Variants in STAG1 observed in about 807,000 individuals in gnomAD.
The protein encoded by STAG1 is STAG1 cohesin complex component, also known as cohesin subunit SA-1.
In STAG1, 26 loss-of-function variants were observed where a neutral mutation model predicts 170.9. The observed-to-expected ratio is 0.15, with a 90% CI of 0.11 to 0.21. STAG1 has a LOEUF of 0.21. Ranked by LOEUF, STAG1 falls within the 10% of genes least tolerant of loss-of-function variation. The pLI is 1.00. For missense variants in STAG1, 964 were observed against 1,509.5 expected (o/e 0.64, Z 5.99); for synonymous variants, 514 against 497.7 (o/e 1.03, Z -0.44).
chr3:136,658,647 GTTTT>G (rs1941473061), intron 1 of STAG1, among the ~76,000 whole-genome samples: 1 of 152,104 alleles, frequency 6.6e-6, no homozygotes, highest in Non-Finnish European at 1.5e-5. Flanking sequence ...ACCAACTGAA[GTTTT>G]TACAAAGTGA....
At chr3:136,721,868 G>A (rs931331274) in intron 1 of STAG1, among the ~76,000 whole-genome samples, 1 of 151,076 alleles carries the variant, frequency 6.6e-6, no homozygotes, top group African/African-American at 2.4e-5. Context: ...AGCTTGCAGT[G>A]AGTGCCACTG....
chr3:136,591,612 A>G (rs1477742018), intron 4 of STAG1: 4 of 349,992 alleles, frequency 1.1e-5, no homozygotes, highest in South Asian at 2.2e-5. Context: ...TATTGGTGGT[A>G]TAACAGACAA....
chr3:136,357,231 A>G (rs1026823945), intron 28 of STAG1, among the ~76,000 whole-genome samples: 1 of 152,102 alleles, frequency 6.6e-6, no homozygotes, highest in Non-Finnish European at 1.5e-5. Flanking sequence ...TACAGGTGTG[A>G]GCCACCATGC....
chr3:136,649,422 TGAGTG>T (rs1288514199), intron 1 of STAG1, among the ~76,000 whole-genome samples: 2 of 144,998 alleles, frequency 1.4e-5, no homozygotes, highest in South Asian at 4.3e-4. Flanking sequence ...GAGGTTGCAG[TGAGTG>T]GAGATGGCGC....
intron 13 of STAG1, among the ~76,000 whole-genome samples, chr3:136,462,395 A>G (rs1401039864): frequency 3.9e-5 from 6 of 152,170 alleles, no homozygotes; most frequent in Admixed American, 2.0e-4. Flanking sequence ...AGTGACACAG[A>G]TGGAACTAGA....
chr3:136,386,562 G>A (rs1247421155), intron 22 of STAG1, among the ~76,000 whole-genome samples: 1 of 152,156 alleles, frequency 6.6e-6, no homozygotes, highest in Non-Finnish European at 1.5e-5. Context: ...ATTACAGTCA[G>A]TGAGGAAAGG....
rs369140347 is a variant in STAG1, at chr3:136,711,060, AATATAT to A, written c.-84+41129_-84+41134del. On this transcript the variant is annotated intron_variant, in intron 1 of 33. Transcript: ENST00000383202. ...CTGAAATCCCACTTACAAAAAGAAA[AATATAT>A]ATATATATATATACTTACTATGGCA... Among the ~76,000 whole-genome samples, 19 of 148,506 alleles carry A rather than the reference AATATAT, an allele frequency of 1.3e-4. No individual in the cohort carries two copies. The East Asian group carries it at 3.5e-3, about 28-fold the overall frequency.
At chr3:136,743,366 C>A (rs1934772943) in intron 1 of STAG1, among the ~76,000 whole-genome samples, 2 of 144,572 alleles carry the variant, frequency 1.4e-5, no homozygotes, top group Non-Finnish European at 1.5e-5. Context: ...GAAACTCCTT[C>A]TCAAAAAAAA....
intron 12 of STAG1, 100 bp downstream of exon 12, chr3:136,472,313 A>G: frequency 3.3e-6 from 2 of 613,016 alleles, no homozygotes; most frequent in South Asian, 8.5e-5. Flanking sequence ...TAAAATGATA[A>G]ACATATACAT....
chr3:136,565,721 T>C (rs1397767874), intron 5 of STAG1, among the ~76,000 whole-genome samples: 1 of 152,216 alleles, frequency 6.6e-6, no homozygotes, highest in Non-Finnish European at 1.5e-5. Context: ...AACAAGTATT[T>C]GTTCACGAAT....
intron 6 of STAG1, among the ~76,000 whole-genome samples, chr3:136,523,791 C>A (rs1335642276): frequency 2.0e-5 from 3 of 152,090 alleles, no homozygotes; most frequent in African/African-American, 7.2e-5. Flanking sequence ...AGGAAGGGAT[C>A]CAATTTCAGC....
chr3:136,592,674 A>G (rs1269530226), intron 4 of STAG1, among the ~76,000 whole-genome samples: 2 of 152,188 alleles, frequency 1.3e-5, no homozygotes, highest in Non-Finnish European at 2.9e-5. Context: ...TAAAATGACA[A>G]CGCTAAGGTT....
In STAG1 at chr3:136,685,612, A is replaced by G. The variant is rs190457152; in HGVS notation, c.-83-54631T>C. Among the ~76,000 whole-genome samples the G allele has an allele frequency of 2.5e-3, 375 of 152,316 alleles. 2 individuals carry two copies. Among genetic ancestry groups the G allele is most frequent in the African/African-American group, 8.4e-3 (348 of 41,570 alleles). On this transcript the variant is annotated intron_variant, in intron 1 of 33. Transcript: ENST00000383202. ...TAGACAGATAAACTGTGCTAAAAGA[A>G]ATGAGCTCTAAGTCTTGAAAAGACA...
At chr3:136,375,115 C>G (rs1223404630) in intron 23 of STAG1, among the ~76,000 whole-genome samples, 1 of 152,128 alleles carries the variant, frequency 6.6e-6, no homozygotes, top group African/African-American at 2.4e-5. Flanking sequence ...GATGGTCATA[C>G]AATGATGAAA....
At chr3:136,570,956 G>A (rs1247908765) in intron 4 of STAG1, among the ~76,000 whole-genome samples, 2 of 152,148 alleles carry the variant, frequency 1.3e-5, no homozygotes, top group African/African-American at 4.8e-5. Context: ...ATGGTATCTG[G>A]GCAAGGTTCA....
At chr3:136,641,520 T>A (rs1343582163) in intron 1 of STAG1, among the ~76,000 whole-genome samples, 14 of 152,200 alleles carry the variant, frequency 9.2e-5, no homozygotes, top group Admixed American at 9.2e-4. Flanking sequence ...TCTTTAGCAT[T>A]CTTGCCAAAA....
chr3:136,633,478 T>A (rs1436960060), intron 1 of STAG1, among the ~76,000 whole-genome samples: 1 of 151,832 alleles, frequency 6.6e-6, no homozygotes, highest in Admixed American at 6.6e-5. Context: ...GGCAGGTGGA[T>A]CACTTGAGGT....
At chr3:136,434,299 A>G (rs2088392937) in intron 15 of STAG1, among the ~76,000 whole-genome samples, 1 of 152,186 alleles carries the variant, frequency 6.6e-6, no homozygotes, top group Non-Finnish European at 1.5e-5. Context: ...TATAATTTAT[A>G]TCCCCAACTG....
At chr3:136,585,459 C>T (rs978710286) in intron 4 of STAG1, among the ~76,000 whole-genome samples, 1 of 151,858 alleles carries the variant, frequency 6.6e-6, no homozygotes, top group Non-Finnish European at 1.5e-5. Context: ...ACAAACAAAA[C>T]ATCACAAAAA....
Sources: allele counts gnomAD v4.1 joint callset (sites outside exome capture counted in the v4.1 genomes callset), GRCh38; gene constraint gnomAD v4.1.1; transcripts MANE v1.5; gene names NCBI Gene and HGNC (gene_info 2026-07-23, HGNC 2026-07-21).